Variants in SEMA6A observed in about 807,000 individuals in gnomAD.
SEMA6A encodes the protein semaphorin-6A.
A neutral mutation model predicts 96.8 loss-of-function variants in SEMA6A; 25 were observed. The ratio of observed to expected loss-of-function variants is 0.26; its 90% CI spans 0.19 to 0.36. SEMA6A has a LOEUF of 0.36. Among genes scored for constraint, SEMA6A ranks in the 10% least tolerant of loss-of-function variants. SEMA6A has a pLI of 1.00. For missense variants in SEMA6A, 1,363 were observed against 1,323.1 expected (o/e 1.03, Z -0.47); for synonymous variants, 612 against 518.0 (o/e 1.18, Z -2.46).
intron 7 of SEMA6A, 151 bp from the exon 8 acceptor site, chr5:116,489,158 G>C (rs941192001): frequency 1.1e-6 from 1 of 897,972 alleles, no homozygotes; most frequent in African/African-American, 1.7e-5. Context: ...AAAACTCTTG[G>C]CCCACATTCC....
At chr5:116,518,703 T>C (rs1344501571) in intron 1 of SEMA6A, among the ~76,000 whole-genome samples, 1 of 152,084 alleles carries the variant, frequency 6.6e-6, no homozygotes, top group African/African-American at 2.4e-5. Context: ...TGGGAGGAAA[T>C]GGAGGCACAG....
intron 1 of SEMA6A, among the ~76,000 whole-genome samples, chr5:116,532,485 T>G (rs1193782309): frequency 6.6e-6 from 1 of 152,150 alleles, no homozygotes. Flanking sequence ...GTGTGAAATC[T>G]TGAATTTATG....
chr5:116,514,001 G>A (rs1157571522), intron 1 of SEMA6A, among the ~76,000 whole-genome samples: 1 of 152,150 alleles, frequency 6.6e-6, no homozygotes, highest in African/African-American at 2.4e-5. Context: ...TCATGTATAT[G>A]TACCACTTTC....
chr5:116,488,221 T>G (rs769626345), intron 8 of SEMA6A, 25 bp from the exon 9 acceptor site: 8 of 1,452,576 alleles, frequency 5.5e-6, no homozygotes, highest in Non-Finnish European at 7.7e-6. Context: ...GCACTTTAAT[T>G]GGGAACATGT....
At position 116,455,132 on chromosome 5, in the gene SEMA6A, T is replaced by C. The variant is rs186947863; in HGVS notation, c.1895-7321A>G. Among the ~76,000 whole-genome samples, 777 of 152,276 alleles carry C rather than the reference T, an allele frequency of 5.1e-3. 10 individuals are homozygous for C. Among genetic ancestry groups the C allele is most frequent in the African/African-American group, 0.017 (722 of 41,556 alleles). On this transcript the variant is annotated intron_variant, in intron 18 of 18. Transcript: ENST00000343348. ...GAGCCTGGAATTCATTCTATTTCAT[T>C]TTTTTAGAGAAGAAACAGCTTCATT... is the stretch of plus-strand genomic sequence containing the variant.
At chr5:116,527,891 C>G (rs549281348) in intron 1 of SEMA6A, among the ~76,000 whole-genome samples, 2 of 152,178 alleles carry the variant, frequency 1.3e-5, no homozygotes, top group Non-Finnish European at 2.9e-5. Flanking sequence ...TAATAACACT[C>G]AAATCTAAAA....
intron 18 of SEMA6A, among the ~76,000 whole-genome samples, chr5:116,462,783 C>T (rs983713454): frequency 6.6e-6 from 1 of 152,164 alleles, no homozygotes; most frequent in Non-Finnish European, 1.5e-5. Flanking sequence ...CTTCCCTGGA[C>T]TCCTTCAATT....
chr5:116,511,791 T>G (rs1758416943), intron 1 of SEMA6A, among the ~76,000 whole-genome samples: 1 of 152,228 alleles, frequency 6.6e-6, no homozygotes, highest in Non-Finnish European at 1.5e-5. Flanking sequence ...CACCACTGTG[T>G]TAAGTGGAGC....
At chr5:116,472,961 A>C in intron 17 of SEMA6A, 112 bp downstream of exon 17, 1 of 1,517,108 alleles carries the variant, frequency 6.6e-7, no homozygotes, top group Non-Finnish European at 8.8e-7. Flanking sequence ...GAGGATAAAA[A>C]ATTAATTAAA....
Position 116,528,901 on chromosome 5 carries a change from T to G in SEMA6A, c.-38-23919A>C, listed in dbSNP as rs183865755. On this transcript the variant is annotated intron_variant, in intron 1 of 18. Coordinates refer to ENST00000343348, the MANE Select transcript of SEMA6A (RefSeq NM_020796.5). ...TTCGCCGTCCCCTTCCAGCAGATAA[T>G]GCCTGACCCTGTGTCACTTTGACTG... Among the ~76,000 whole-genome samples, 3 of 152,310 alleles carry G rather than the reference T, an allele frequency of 2.0e-5. No homozygotes were observed. In the East Asian group the frequency reaches 5.8e-4, roughly 29 times the overall value.
At chr5:116,529,733 C>T (rs547415178) in intron 1 of SEMA6A, among the ~76,000 whole-genome samples, 63 of 152,072 alleles carry the variant, frequency 4.1e-4, no homozygotes, top group Non-Finnish European at 8.1e-4. Context: ...GGCAAACTAA[C>T]ACAGGAACAG....
chr5:116,549,828 G>A (rs73256747), intron 1 of SEMA6A, among the ~76,000 whole-genome samples: 10,192 of 152,144 alleles, frequency 0.067, 729 homozygotes, highest in African/African-American at 0.18. Flanking sequence ...ACAAACAATA[G>A]TCAGAACACA....
At chr5:116,465,913 A>G (rs560209359) in intron 18 of SEMA6A, among the ~76,000 whole-genome samples, 227 of 152,120 alleles carry the variant, frequency 1.5e-3, no homozygotes, top group Non-Finnish European at 2.8e-3. Context: ...AGCACATCTG[A>G]GGTCAGGAGC....
At position 116,477,914 on chromosome 5, in the gene SEMA6A, G is replaced by A. The variant is rs1580409515; in HGVS notation, c.1581C>T (p.Ala527=). ...TCCATCCACAATATGGGTCTCTGGA[G>A]GCAATACAGGTTCTGCAGGAAGAGG... ...RHGKCKKTCI[A]SRDPYCGWIK... Residue 527 remains alanine, a synonymous_variant, in exon 15 of 19, where the codon GCC becomes GCT. Transcript: ENST00000343348. The A allele has an allele frequency of 6.2e-7, 1 of 1,613,966 alleles. No homozygotes were observed. Among genetic ancestry groups the A allele is most frequent in the Non-Finnish European group, 8.5e-7 (1 of 1,179,858 alleles).
At chr5:116,515,398 G>T (rs1403371966) in intron 1 of SEMA6A, among the ~76,000 whole-genome samples, 1 of 152,110 alleles carries the variant, frequency 6.6e-6, no homozygotes, top group African/African-American at 2.4e-5. Flanking sequence ...GTATTTATTT[G>T]CTTGAGGTGT....
Position 116,502,344 on chromosome 5 carries a change from T to G in SEMA6A, c.101-17A>C, listed in dbSNP as rs756750309. 11 of 1,608,630 alleles carry G rather than the reference T, an allele frequency of 6.8e-6. No homozygotes were observed. The Admixed American group carries it at 8.3e-5, about 12-fold the overall frequency. Reference sequence around the variant, plus strand: ...GTTTTGTATCTGTGAAAAGAGGAGATGGGGCAAGAAAGGAAAAGCAAATCA... The same window carrying G: ...GTTTTGTATCTGTGAAAAGAGGAGAGGGGGCAAGAAAGGAAAAGCAAATCA... On this transcript the variant is annotated splice_polypyrimidine_tract_variant and intron_variant, in intron 2 of 18. Coordinates refer to ENST00000343348, the MANE Select transcript of SEMA6A (RefSeq NM_020796.5).
intron 1 of SEMA6A, among the ~76,000 whole-genome samples, chr5:116,509,581 AGTGAAGAAGG>A (rs1447263643): frequency 3.4e-5 from 5 of 146,950 alleles, no homozygotes; most frequent in African/African-American, 7.8e-5. Context: ...ATTCTGCCCC[AGTGAAGAAGG>A]GTGTCTCTGT....
At chr5:116,573,614 A>T (rs1395682733) in intron 1 of SEMA6A, among the ~76,000 whole-genome samples, 1 of 150,948 alleles carries the variant, frequency 6.6e-6, no homozygotes, top group Non-Finnish European at 1.5e-5. Flanking sequence ...AGTTTCTTGC[A>T]CTCCACGGAG....
intron 4 of SEMA6A, 111 bp from the exon 5 acceptor site, chr5:116,496,424 C>G: frequency 1.3e-6 from 1 of 773,576 alleles, no homozygotes. Context: ...TTATTGAAAG[C>G]TTTCTGCACC....
Sources: gnomAD v4.1 joint callset for allele counts (sites outside exome capture counted in the v4.1 genomes callset) on GRCh38, gnomAD v4.1.1 for gene constraint, MANE v1.5 for transcripts, NCBI Gene and HGNC (gene_info 2026-07-23, HGNC 2026-07-21) for gene names.